CORO1C: variants seen among roughly 807,000 people sequenced by gnomAD.
CORO1C encodes the protein coronin-1C.
CORO1C carries 14 observed loss-of-function variants against 51.2 expected under a neutral mutation model. The observed-to-expected ratio is 0.27, with a 90% CI of 0.18 to 0.43. The LOEUF is 0.43. Ranked by LOEUF, CORO1C falls within the 20% of genes least tolerant of loss-of-function variation. The pLI, the probability that CORO1C is intolerant of heterozygous loss-of-function variation, is 1.00. For missense variants in CORO1C, 417 were observed against 607.8 expected (o/e 0.69, Z 3.30); for synonymous variants, 181 against 210.5 (o/e 0.86, Z 1.21).
intron 1 of CORO1C, among the ~76,000 whole-genome samples, chr12:108,716,854 G>GAAT (rs745485322): frequency 7.2e-5 from 11 of 152,144 alleles, no homozygotes; most frequent in Non-Finnish European, 1.3e-4. Flanking sequence ...TATGAATGTT[G>GAAT]AATAGGTCCT....
chr12:108,662,923 T>C (rs1399430315), intron 3 of CORO1C, among the ~76,000 whole-genome samples: 2 of 152,102 alleles, frequency 1.3e-5, no homozygotes, highest in Non-Finnish European at 2.9e-5. Flanking sequence ...TTACAAATCA[T>C]ACATTTGATA....
At chr12:108,713,711 T>C (rs919146215) in intron 1 of CORO1C, among the ~76,000 whole-genome samples, 1 of 152,244 alleles carries the variant, frequency 6.6e-6, no homozygotes, top group Non-Finnish European at 1.5e-5. Context: ...TGCAGTGACC[T>C]TGAACTACAA....
intron 1 of CORO1C, among the ~76,000 whole-genome samples, chr12:108,729,363 A>G (rs747008469): frequency 6.6e-6 from 1 of 152,124 alleles, no homozygotes; most frequent in Non-Finnish European, 1.5e-5. Flanking sequence ...GAAAAAGTCA[A>G]TATTGTGTGC....
intron 4 of CORO1C, among the ~76,000 whole-genome samples, chr12:108,659,827 T>C (rs1181431674): frequency 6.6e-6 from 1 of 152,044 alleles, no homozygotes; most frequent in Non-Finnish European, 1.5e-5. Flanking sequence ...AAGAGAAAAA[T>C]AGGCCAAGAC....
At chr12:108,651,209 T>C (rs1208781364) in intron 8 of CORO1C, among the ~76,000 whole-genome samples, 1 of 152,250 alleles carries the variant, frequency 6.6e-6, no homozygotes, top group East Asian at 1.9e-4. Flanking sequence ...AATTCTTTAA[T>C]TGTGAGACCA....
At chr12:108,667,007 T>TCA (rs1347614920) in intron 3 of CORO1C, among the ~76,000 whole-genome samples, 1 of 151,972 alleles carries the variant, frequency 6.6e-6, no homozygotes, top group Non-Finnish European at 1.5e-5. Context: ...TAGGCCACAC[T>TCA]CATGGCTTAC....
At chr12:108,676,665 G>A (rs533778247) in intron 3 of CORO1C, among the ~76,000 whole-genome samples, 1 of 151,894 alleles carries the variant, frequency 6.6e-6, no homozygotes, top group South Asian at 2.1e-4. Context: ...CCAGCTACTC[G>A]GGAGGCTGAG....
At chr12:108,705,429 C>T (rs2034997821) in intron 1 of CORO1C, among the ~76,000 whole-genome samples, 1 of 135,066 alleles carries the variant, frequency 7.4e-6, no homozygotes, top group Non-Finnish European at 1.5e-5. Context: ...CACTGCACTC[C>T]AGCCTAGGTG....
chr12:108,662,042 C>G lies in CORO1C; in HGVS notation c.435G>C (p.Val145=). 1 of 1,614,164 alleles carries G rather than the reference C, an allele frequency of 6.2e-7. No homozygotes were observed. The highest frequency in any genetic ancestry group is 8.5e-7 in the Non-Finnish European group (1 of 1,180,020). The change falls in exon 4 of 11, where the codon GTG becomes GTC. Residue 145 remains valine (V), a synonymous_variant. Coordinates refer to ENST00000261401, the MANE Select transcript of CORO1C (RefSeq NM_014325.4). The part of the protein sequence containing the change: ...IVAWHPTARN[V]LLSAGCDNAI... ...CTCAGCTCCCACCTGCACTAAGAAG[C>G]ACATTGCGGGCCGTTGGATGCCAAG...
At position 108,725,272 on chromosome 12, in the gene CORO1C, A is replaced by G. The variant is rs116306658; in HGVS notation, c.-6+6157T>C. On this transcript the variant is annotated intron_variant, in intron 1 of 10. Coordinates refer to ENST00000261401, the MANE Select transcript of CORO1C (RefSeq NM_014325.4). ...GGTGGGAGTAGGAATCCATACCCTT[A>G]ATAGCTTAATGTCAGATGTAAAATG... Among the ~76,000 whole-genome samples, 888 of 152,280 alleles carry G rather than the reference A, an allele frequency of 5.8e-3. 10 individuals carry two copies. Among genetic ancestry groups the G allele is most frequent in the African/African-American group, 0.02 (842 of 41,552 alleles).
chr12:108,682,095 T>C (rs2034144320), intron 2 of CORO1C, among the ~76,000 whole-genome samples: 2 of 151,398 alleles, frequency 1.3e-5, no homozygotes, highest in Non-Finnish European at 2.9e-5. Flanking sequence ...ATTTAAAAAC[T>C]GGCTCAATCC....
At chr12:108,707,757 A>C (rs2035067730) in intron 1 of CORO1C, among the ~76,000 whole-genome samples, 1 of 152,242 alleles carries the variant, frequency 6.6e-6, no homozygotes, top group East Asian at 1.9e-4. Flanking sequence ...TTGTATCTAG[A>C]GTATAAAAAG....
intron 3 of CORO1C, among the ~76,000 whole-genome samples, chr12:108,671,343 A>AGTG (rs1489948129): frequency 6.6e-6 from 1 of 151,976 alleles, no homozygotes; most frequent in Non-Finnish European, 1.5e-5. Context: ...AAAGAAAAGG[A>AGTG]GTGGGGGGAG....
chr12:108,679,109 CAAAAAAAAAAA>C (rs1183326267), intron 2 of CORO1C, among the ~76,000 whole-genome samples: 1 of 22,160 alleles, frequency 4.5e-5, no homozygotes, highest in East Asian at 1.4e-3. Context: ...GACTCTGTCT[CAAAAAAAAAAA>C]AAAAAAAAAG....
At chr12:108,654,567 T>C (rs888695397) in intron 6 of CORO1C, among the ~76,000 whole-genome samples, 157 bp from the exon 7 acceptor site, 1 of 152,218 alleles carries the variant, frequency 6.6e-6, no homozygotes, top group Non-Finnish European at 1.5e-5. Context: ...TACTCATACA[T>C]GGAAACAGCA....
chr12:108,682,617 TAAAC>T (rs947820593), intron 2 of CORO1C, among the ~76,000 whole-genome samples: 2 of 152,114 alleles, frequency 1.3e-5, no homozygotes, highest in East Asian at 1.9e-4. Flanking sequence ...TTTAAGAAAT[TAAAC>T]AGACAAAATT....
chr12:108,652,055 C>CTTTTTTTT lies in CORO1C; in HGVS notation c.1001+209_1001+216dup, dbSNP rs202228272. Reference sequence around the variant, plus strand: ...AAAAAAAGTGAGATTTTTTTCTTTTCTTTTTTTTTTTTTTTTGAGATTTTT... The same window carrying CTTTTTTTT: ...AAAAAAAGTGAGATTTTTTTCTTTTCTTTTTTTTTTTTTTTTTTTTTTTTGAGATTTTT... On this transcript the variant is annotated intron_variant, in intron 8 of 10. Coordinates refer to ENST00000261401, the MANE Select transcript of CORO1C (RefSeq NM_014325.4). 712 of 142,680 alleles carry CTTTTTTTT rather than the reference C, an allele frequency of 5.0e-3. 14 individuals are homozygous for CTTTTTTTT. The highest frequency in any genetic ancestry group is 6.7e-3 in the East Asian group (25 of 3,716). 8.8% of individuals were successfully genotyped at this position (142,680 alleles called of 1,614,324 possible). A position where few individuals can be genotyped will look rare whatever the true frequency, so the allele number is the denominator to read the frequency against.
chr12:108,687,943 G>A (rs769420738), intron 2 of CORO1C, among the ~76,000 whole-genome samples: 40 of 142,770 alleles, frequency 2.8e-4, no homozygotes, highest in Non-Finnish European at 2.6e-4. Context: ...TTTTTGAGAC[G>A]GAGTCTCACT....
intron 3 of CORO1C, among the ~76,000 whole-genome samples, chr12:108,671,385 A>G (rs77103653): frequency 0.058 from 8,766 of 152,002 alleles, 518 homozygotes; most frequent in East Asian, 0.32. Flanking sequence ...AGAAACTGAC[A>G]ATGACTAAAG....
Sources: gnomAD v4.1 joint callset for allele counts (sites outside exome capture counted in the v4.1 genomes callset) on GRCh38, gnomAD v4.1.1 for gene constraint, MANE v1.5 for transcripts, NCBI Gene and HGNC (gene_info 2026-07-23, HGNC 2026-07-21) for gene names.